NCKAP5: variants seen among roughly 807,000 people sequenced by gnomAD.
The protein encoded by NCKAP5 is nck-associated protein 5.
Under a neutral mutation model 167.0 loss-of-function variants are expected in NCKAP5, and 92 were observed. The ratio of observed to expected loss-of-function variants is 0.55; its 90% CI spans 0.47 to 0.66. NCKAP5 has a LOEUF of 0.66. NCKAP5 is among the 30% of genes least tolerant of loss of function. NCKAP5 has a pLI of 0.00. For missense variants in NCKAP5, 2,378 were observed against 2,315.0 expected, an observed-to-expected ratio of 1.03 and a Z score of -0.56; for synonymous variants, 891 against 877.4, an observed-to-expected ratio of 1.02 and a Z score of -0.27.
intron 3 of NCKAP5, among the ~76,000 whole-genome samples, chr2:133,497,025 C>A (rs888209711): frequency 2.0e-5 from 3 of 152,198 alleles, no homozygotes; most frequent in Non-Finnish European, 2.9e-5. Flanking sequence ...TCAGCACAAC[C>A]ACAGCCTCCT....
At chr2:132,805,102 A>G (rs1452739503) in intron 11 of NCKAP5, among the ~76,000 whole-genome samples, 3 of 152,036 alleles carry the variant, frequency 2.0e-5, no homozygotes, top group Non-Finnish European at 1.5e-5. Context: ...TTGGGAAGGA[A>G]ATAATAATAA....
chr2:133,671,695 C>A, the NCKAP5 span, among the ~76,000 whole-genome samples: 1 of 152,052 alleles, frequency 6.6e-6, no homozygotes, highest in Non-Finnish European at 1.5e-5. Flanking sequence ...ATAAATAAAT[C>A]TATTTTATTT....
intron 11 of NCKAP5, among the ~76,000 whole-genome samples, chr2:132,800,856 C>A (rs1417658120): frequency 6.6e-6 from 1 of 152,148 alleles, no homozygotes; most frequent in Non-Finnish European, 1.5e-5. Context: ...CAATCAACTC[C>A]ATGAAAATGC....
chr2:132,957,404 A>C (rs538375307), intron 8 of NCKAP5, among the ~76,000 whole-genome samples: 4 of 152,228 alleles, frequency 2.6e-5, no homozygotes, highest in Non-Finnish European at 5.9e-5. Flanking sequence ...GGAGCTATAC[A>C]TTGGGAGTTC....
At chr2:132,942,449 A>G (rs775994812) in intron 8 of NCKAP5, among the ~76,000 whole-genome samples, 8 of 152,176 alleles carry the variant, frequency 5.3e-5, no homozygotes, top group Non-Finnish European at 1.0e-4. Context: ...CCACAGTTCA[A>G]GAATCACTGA....
intron 3 of NCKAP5, among the ~76,000 whole-genome samples, chr2:133,418,804 T>G (rs1477277019): frequency 6.6e-6 from 1 of 152,104 alleles, no homozygotes; most frequent in African/African-American, 2.4e-5. Context: ...AATAGGTCAG[T>G]CTTAAAGAAC....
chr2:133,002,669 G>A (rs1026814597), intron 6 of NCKAP5, among the ~76,000 whole-genome samples: 24 of 152,178 alleles, frequency 1.6e-4, no homozygotes, highest in African/African-American at 3.1e-4. Flanking sequence ...GCCTTGACCC[G>A]TCCCTTGCCT....
At chr2:133,115,681 T>C (rs1194452094) in intron 6 of NCKAP5, among the ~76,000 whole-genome samples, 2 of 150,484 alleles carry the variant, frequency 1.3e-5, no homozygotes, top group African/African-American at 2.4e-5. Flanking sequence ...TCCAAATACA[T>C]CTCTTTCTGT....
the NCKAP5 span, among the ~76,000 whole-genome samples, chr2:133,601,164 C>T: frequency 2.6e-5 from 4 of 152,276 alleles, no homozygotes; most frequent in Admixed American, 6.5e-5. Context: ...GCAGGCTAAA[C>T]GACCTGAGCT....
chr2:132,779,612 A>C (rs997437407), intron 15 of NCKAP5, among the ~76,000 whole-genome samples: 4 of 152,130 alleles, frequency 2.6e-5, no homozygotes, highest in African/African-American at 7.2e-5. Flanking sequence ...AAAAAAAAAA[A>C]AAAACTTTTG....
chr2:133,331,587 T>C, intron 3 of NCKAP5, among the ~76,000 whole-genome samples: 1 of 152,214 alleles, frequency 6.6e-6, no homozygotes, highest in South Asian at 2.1e-4. Flanking sequence ...GCAATTATTG[T>C]GTCCTCTCTA....
At chr2:133,631,738 C>T in the NCKAP5 span, among the ~76,000 whole-genome samples, 2 of 152,176 alleles carry the variant, frequency 1.3e-5, no homozygotes, top group Non-Finnish European at 2.9e-5. Flanking sequence ...GACTAGTCCC[C>T]TGCAGACCCC....
At chr2:132,694,373 G>A (rs1687116369) in intron 19 of NCKAP5, among the ~76,000 whole-genome samples, 1 of 152,140 alleles carries the variant, frequency 6.6e-6, no homozygotes, top group African/African-American at 2.4e-5. Flanking sequence ...CAGCACGCCT[G>A]CTGTGCAGTG....
At chr2:133,233,808 C>T (rs2087266536) in intron 4 of NCKAP5, among the ~76,000 whole-genome samples, 1 of 152,200 alleles carries the variant, frequency 6.6e-6, no homozygotes, top group Admixed American at 6.6e-5. Flanking sequence ...GATGAGGAAT[C>T]AGAACTTCCA....
intron 2 of NCKAP5, among the ~76,000 whole-genome samples, chr2:133,525,012 A>G (rs921364636): frequency 1.3e-5 from 2 of 152,184 alleles, no homozygotes; most frequent in Non-Finnish European, 2.9e-5. Flanking sequence ...GCACTCTGAC[A>G]ACAAAACCAC....
At chr2:133,338,221 A>C (rs1236333219) in intron 3 of NCKAP5, among the ~76,000 whole-genome samples, 1 of 152,226 alleles carries the variant, frequency 6.6e-6, no homozygotes, top group Admixed American at 6.5e-5. Context: ...GCTGTGAAGC[A>C]GTGGAGTGAA....
At chr2:132,978,170 C>T (rs1203653035) in intron 7 of NCKAP5, among the ~76,000 whole-genome samples, 2 of 152,206 alleles carry the variant, frequency 1.3e-5, no homozygotes, top group East Asian at 1.9e-4. Flanking sequence ...GCATCCAAAA[C>T]CTGGGTAACC....
intron 7 of NCKAP5, among the ~76,000 whole-genome samples, chr2:132,967,955 G>A (rs952804133): frequency 6.6e-6 from 1 of 152,076 alleles, no homozygotes; most frequent in Admixed American, 6.6e-5. Context: ...TGATGAGGAG[G>A]AAGTAGCTGT....
chr2:132,910,583 T>C (rs1295857177), intron 8 of NCKAP5, among the ~76,000 whole-genome samples: 2 of 152,220 alleles, frequency 1.3e-5, no homozygotes, highest in African/African-American at 4.8e-5. Context: ...TGCATGCCTT[T>C]GCAAATGACT....
Sources: allele counts gnomAD v4.1 joint callset (sites outside exome capture counted in the v4.1 genomes callset), GRCh38; gene constraint gnomAD v4.1.1; transcripts MANE v1.5; gene names NCBI Gene and HGNC (gene_info 2026-07-23, HGNC 2026-07-21).